The following PRKG1 variants were observed in gnomAD, a reference collection of about 807,000 sequenced individuals.
PRKG1 encodes the protein protein kinase cGMP-dependent 1.
Under a neutral mutation model 88.1 loss-of-function variants are expected in PRKG1, and 35 were observed. That is an observed-to-expected ratio of 0.40 (90% CI 0.30 to 0.53). The LOEUF is 0.53. Ranked by LOEUF, PRKG1 falls within the 20% of genes least tolerant of loss-of-function variation. The pLI, the probability that PRKG1 is intolerant of heterozygous loss-of-function variation, is 0.59. For missense variants in PRKG1, 540 were observed against 839.8 expected, an observed-to-expected ratio of 0.64 and a Z score of 4.41; for synonymous variants, 303 against 292.5, an observed-to-expected ratio of 1.04 and a Z score of -0.37.
At chr10:51,923,002 C>G (rs1193959752) in intron 5 of PRKG1, among the ~76,000 whole-genome samples, 1 of 151,972 alleles carries the variant, frequency 6.6e-6, no homozygotes, top group African/African-American at 2.4e-5. Flanking sequence ...ATTGAAATAT[C>G]AAATTATAAT....
intron 1 of PRKG1, among the ~76,000 whole-genome samples, chr10:51,085,229 C>T (rs986493319): frequency 5.9e-5 from 9 of 152,276 alleles, no homozygotes; most frequent in Non-Finnish European, 1.0e-4. Context: ...CTAATACCTA[C>T]GTTACCTAAT....
At chr10:51,146,075 G>A (rs1845940792) in intron 1 of PRKG1, among the ~76,000 whole-genome samples, 1 of 151,948 alleles carries the variant, frequency 6.6e-6, no homozygotes, top group Non-Finnish European at 1.5e-5. Context: ...TGCAGCCCCA[G>A]CTACTTTGGA....
intron 2 of PRKG1, among the ~76,000 whole-genome samples, chr10:51,186,806 C>T (rs771835996): frequency 4.6e-5 from 7 of 151,638 alleles, no homozygotes; most frequent in Admixed American, 6.6e-5. Flanking sequence ...TCTGAGATCT[C>T]TTGGTGCAAG....
chr10:51,393,403 C>T (rs1837492560), intron 2 of PRKG1, among the ~76,000 whole-genome samples: 4 of 150,922 alleles, frequency 2.7e-5, no homozygotes, highest in Admixed American at 2.6e-4. Flanking sequence ...AGGGACTCCT[C>T]AACTCCCAGA....
intron 2 of PRKG1, among the ~76,000 whole-genome samples, chr10:51,311,062 GA>G (rs1351757503): frequency 6.6e-6 from 1 of 152,132 alleles, no homozygotes; most frequent in African/African-American, 2.4e-5. Context: ...TATGGGTGCA[GA>G]AAAAGGGAAT....
In PRKG1 at chr10:51,043,174, G is replaced by T. The variant is rs1007365176; in HGVS notation, c.266+51530G>T. On this transcript the variant is annotated intron_variant, in intron 1 of 17. Coordinates refer to the PRKG1 transcript ENST00000401604. ...GGAAAGCCAGGGTGACCTTGAGTGA[G>T]GGTACTGTCTTACGGGGAGGGCAGG... Among the ~76,000 whole-genome samples the T allele has an allele frequency of 2.0e-5, 3 of 152,146 alleles. No individual in the cohort carries two copies. In the South Asian group the frequency reaches 6.2e-4, roughly 32 times the overall value.
chr10:51,440,516 G>T (rs17531066), intron 2 of PRKG1, among the ~76,000 whole-genome samples: 22,857 of 151,896 alleles, frequency 0.15, 2,004 homozygotes, highest in Non-Finnish European at 0.2. Flanking sequence ...GAGACTACAT[G>T]AGCAGATACA....
intron 5 of PRKG1, among the ~76,000 whole-genome samples, chr10:51,914,279 C>G (rs574512543): frequency 8.1e-5 from 3 of 37,056 alleles, no homozygotes; most frequent in African/African-American, 3.7e-4. Context: ...TTAAAGAAAG[C>G]AGCAAATAAA....
intron 5 of PRKG1, among the ~76,000 whole-genome samples, chr10:51,998,163 T>C (rs1427313454): frequency 6.6e-6 from 1 of 152,224 alleles, no homozygotes; most frequent in African/African-American, 2.4e-5. Context: ...ATACTATTTT[T>C]CCCTTTAATT....
intron 2 of PRKG1, chr10:51,299,441 G>A (rs10762013): frequency 0.24 from 100,615 of 419,012 alleles, 12,865 homozygotes; most frequent in Admixed American, 0.4. Flanking sequence ...CCTGATCTCA[G>A]GTGATCCACC....
intron 3 of PRKG1, among the ~76,000 whole-genome samples, chr10:51,474,967 A>T (rs1028433137): frequency 3.3e-5 from 5 of 152,122 alleles, no homozygotes; most frequent in Non-Finnish European, 5.9e-5. Flanking sequence ...CATCCCATGC[A>T]TTATGTAATG....
At chr10:52,108,398 G>A (rs187267110) in intron 7 of PRKG1, among the ~76,000 whole-genome samples, 48 of 152,254 alleles carry the variant, frequency 3.2e-4, no homozygotes, top group Non-Finnish European at 8.8e-5. Flanking sequence ...CTGGCTTCCA[G>A]TGATGTACAC....
chr10:51,739,634 G>T (rs1837380894), intron 3 of PRKG1, among the ~76,000 whole-genome samples: 1 of 151,504 alleles, frequency 6.6e-6, no homozygotes, highest in Admixed American at 6.6e-5. Flanking sequence ...GACCCCAAAG[G>T]ATGGTCACAG....
chr10:51,409,544 G>A (rs1838018361), intron 2 of PRKG1, among the ~76,000 whole-genome samples: 1 of 151,940 alleles, frequency 6.6e-6, no homozygotes, highest in Non-Finnish European at 1.5e-5. Flanking sequence ...CCAGTGACAG[G>A]CCAAGAGCTG....
At chr10:51,951,438 T>G (rs1053567423) in intron 5 of PRKG1, among the ~76,000 whole-genome samples, 9 of 152,180 alleles carry the variant, frequency 5.9e-5, no homozygotes, top group South Asian at 4.1e-4. Context: ...AGCTTAATAC[T>G]GTTGCTAATA....
intron 2 of PRKG1, among the ~76,000 whole-genome samples, chr10:51,442,237 G>A (rs968211567): frequency 6.6e-6 from 1 of 151,998 alleles, no homozygotes; most frequent in African/African-American, 2.4e-5. Flanking sequence ...TCTTATTTAA[G>A]TGCTGTATCT....
At chr10:51,216,570 A>T (rs1255926674) in intron 2 of PRKG1, among the ~76,000 whole-genome samples, 1 of 152,204 alleles carries the variant, frequency 6.6e-6, no homozygotes, top group East Asian at 1.9e-4. Context: ...GTGAATTAAC[A>T]TATGCAAAAT....
intron 2 of PRKG1, among the ~76,000 whole-genome samples, chr10:51,465,353 T>C (rs901797549): frequency 3.3e-5 from 5 of 152,180 alleles, no homozygotes; most frequent in African/African-American, 1.2e-4. Flanking sequence ...GTTTAATTAT[T>C]AAACCCAGAG....
intron 2 of PRKG1, among the ~76,000 whole-genome samples, chr10:51,168,827 A>T (rs1846620188): frequency 6.6e-6 from 1 of 152,234 alleles, no homozygotes; most frequent in African/African-American, 2.4e-5. Context: ...TAGTGCAAAT[A>T]GCCAACACAG....
Sources: allele counts gnomAD v4.1 joint callset (sites outside exome capture counted in the v4.1 genomes callset), GRCh38; gene constraint gnomAD v4.1.1; transcripts MANE v1.5; gene names NCBI Gene and HGNC (gene_info 2026-07-23, HGNC 2026-07-21).